PRLR: variants seen among roughly 807,000 people sequenced by gnomAD.
PRLR encodes the protein hPRL receptor.
Under a neutral mutation model 40.2 loss-of-function variants are expected in PRLR, and 13 were observed. The observed-to-expected ratio is 0.32, with a 90% CI of 0.21 to 0.51. The LOEUF is 0.51. Ranked by LOEUF, PRLR falls within the 20% of genes least tolerant of loss-of-function variation. The pLI, the probability that PRLR is intolerant of heterozygous loss-of-function variation, is 0.97. For missense variants in PRLR, 656 were observed against 747.3 expected, an observed-to-expected ratio of 0.88 and a Z score of 1.42; for synonymous variants, 269 against 278.7, an observed-to-expected ratio of 0.97 and a Z score of 0.35.
At chr5:35,086,560 GGT>G (rs113256007) in intron 3 of PRLR, among the ~76,000 whole-genome samples, 4,403 of 147,688 alleles carry the variant, frequency 0.03, 83 homozygotes, top group Middle Eastern at 0.12. Context: ...GCATTTTGCT[GGT>G]GTGTGTGTGT....
intron 1 of PRLR, among the ~76,000 whole-genome samples, chr5:35,123,192 G>C (rs1773347765): frequency 6.6e-6 from 1 of 152,158 alleles, no homozygotes. Context: ...GGATTGTAAA[G>C]TGATTTTCAG....
At chr5:35,188,950 C>T (rs1251439898) in intron 1 of PRLR, among the ~76,000 whole-genome samples, 2 of 152,168 alleles carry the variant, frequency 1.3e-5, no homozygotes, top group African/African-American at 4.8e-5. Flanking sequence ...GAAATCCCAA[C>T]ACCCAGGACC....
At chr5:35,133,614 A>G (rs1773756156) in intron 1 of PRLR, among the ~76,000 whole-genome samples, 2 of 152,236 alleles carry the variant, frequency 1.3e-5, no homozygotes, top group Admixed American at 6.5e-5. Context: ...ACTAGCTTGA[A>G]TGTTCTTCCT....
chr5:35,140,170 G>A (rs1304504210), intron 1 of PRLR, among the ~76,000 whole-genome samples: 2 of 152,174 alleles, frequency 1.3e-5, no homozygotes, highest in Non-Finnish European at 2.9e-5. Flanking sequence ...ATTATAGGCT[G>A]GAAGAACCAG....
chr5:35,226,483 G>C (rs1283568609), intron 1 of PRLR, among the ~76,000 whole-genome samples: 1 of 152,174 alleles, frequency 6.6e-6, no homozygotes, highest in Non-Finnish European at 1.5e-5. Flanking sequence ...AGTACAGTAG[G>C]CATTCAAATA....
chr5:35,225,763 C>T (rs1353457839), intron 1 of PRLR, among the ~76,000 whole-genome samples: 1 of 152,208 alleles, frequency 6.6e-6, no homozygotes, highest in Non-Finnish European at 1.5e-5. Flanking sequence ...CTCACTGCAA[C>T]CTCCGCCTCC....
intron 2 of PRLR, among the ~76,000 whole-genome samples, chr5:35,105,436 A>C (rs1487662187): frequency 6.6e-6 from 1 of 152,222 alleles, no homozygotes; most frequent in Admixed American, 6.5e-5. Flanking sequence ...CTCTGAGCTA[A>C]AGGAGGGTGT....
chr5:35,209,782 TA>T (rs2111636906), intron 1 of PRLR, among the ~76,000 whole-genome samples: 1 of 152,342 alleles, frequency 6.6e-6, no homozygotes, highest in African/African-American at 2.4e-5. Flanking sequence ...GGCCACCTTC[TA>T]GCCTATAATC....
In PRLR at chr5:35,158,969, A is replaced by G. The variant is rs546826525; in HGVS notation, c.-105-40847T>C. Reference sequence around the variant, plus strand: ...TCAGACTTTTGAGCTAATTATATTTATTTATAGATTTATTTTTGCTTAGCT... The same window carrying G: ...TCAGACTTTTGAGCTAATTATATTTGTTTATAGATTTATTTTTGCTTAGCT... On this transcript the variant is annotated intron_variant, in intron 1 of 9. Coordinates refer to ENST00000618457, the MANE Select transcript of PRLR (RefSeq NM_000949.7). Among the ~76,000 whole-genome samples the G allele has an allele frequency of 5.9e-5, 9 of 152,292 alleles. No individual in the cohort carries two copies. In the East Asian group the frequency reaches 1.5e-3, roughly 26 times the overall value.
At chr5:35,109,442 G>T (rs1772500311) in intron 2 of PRLR, among the ~76,000 whole-genome samples, 2 of 152,098 alleles carry the variant, frequency 1.3e-5, no homozygotes. Context: ...CCTACAGAAT[G>T]GGAGAAAATT....
At chr5:35,119,795 T>C (rs1389971928) in intron 1 of PRLR, among the ~76,000 whole-genome samples, 1 of 152,116 alleles carries the variant, frequency 6.6e-6, no homozygotes, top group African/African-American at 2.4e-5. Flanking sequence ...GCAGAAACAC[T>C]GAGGGGTCAG....
chr5:35,191,698 C>T (rs1196241744), intron 1 of PRLR, among the ~76,000 whole-genome samples: 1 of 152,212 alleles, frequency 6.6e-6, no homozygotes, highest in Non-Finnish European at 1.5e-5. Flanking sequence ...CTGGTTAGCA[C>T]TCAAATAACA....
intron 1 of PRLR, among the ~76,000 whole-genome samples, chr5:35,214,885 C>T (rs1455146568): frequency 1.3e-5 from 2 of 152,188 alleles, no homozygotes; most frequent in East Asian, 3.8e-4. Context: ...ACAATGCCAT[C>T]TTAAAAATTT....
rs1008423856 is a variant in PRLR at position 35,059,829 on chromosome 5, G to A, written c.*5260C>T. Reference sequence around the variant, plus strand: ...TTCAGACCTCCAGTATCTAGTCATCGAAGTAACTTGGGTTTATTTATTGAG... The same window carrying A: ...TTCAGACCTCCAGTATCTAGTCATCAAAGTAACTTGGGTTTATTTATTGAG... On this transcript the variant is annotated 3_prime_UTR_variant, in exon 10 of 10. Transcript: ENST00000618457. 3 of 152,060 alleles carry A rather than the reference G, an allele frequency of 2.0e-5. No individual in the cohort carries two copies. Among genetic ancestry groups the A allele is most frequent in the Admixed American group, 6.6e-5 (1 of 15,256 alleles). 9.4% of individuals were successfully genotyped at this position (152,060 alleles called of 1,614,324 possible).
intron 1 of PRLR, among the ~76,000 whole-genome samples, chr5:35,131,247 C>T (rs1773660226): frequency 6.6e-6 from 1 of 152,030 alleles, no homozygotes; most frequent in Non-Finnish European, 1.5e-5. Context: ...ATTTTGTTGG[C>T]CTAATGTGGA....
In PRLR at chr5:35,077,967, T is replaced by C. The variant is rs552066338; in HGVS notation, c.374-5223A>G. Among the ~76,000 whole-genome samples, 946 of 152,172 alleles carry C rather than the reference T, an allele frequency of 6.2e-3. 7 individuals carry two copies. The highest frequency in any genetic ancestry group is 0.022 in the African/African-American group (900 of 41,504). ...TCCTGAATCACTACTGGGTACATAA[T>C]GAAATGAAGGCAGAAAGAAAGATGT... On this transcript the variant is annotated intron_variant, in intron 5 of 9. Transcript: ENST00000618457.
intron 1 of PRLR, among the ~76,000 whole-genome samples, chr5:35,161,926 T>A (rs188155195): frequency 6.6e-6 from 1 of 152,224 alleles, no homozygotes; most frequent in African/African-American, 2.4e-5. Context: ...AAAAGTCTTG[T>A]GAGACAGAAA....
intron 1 of PRLR, among the ~76,000 whole-genome samples, chr5:35,146,521 C>T (rs900171515): frequency 3.9e-5 from 6 of 152,186 alleles, no homozygotes; most frequent in Non-Finnish European, 8.8e-5. Context: ...TACTTCCTAA[C>T]CGAGGGCTGG....
intron 1 of PRLR, among the ~76,000 whole-genome samples, chr5:35,215,693 T>G (rs988047840): frequency 1.3e-5 from 2 of 151,910 alleles, no homozygotes; most frequent in Non-Finnish European, 2.9e-5. Flanking sequence ...CCCTCACCCC[T>G]AGGGCAAGTT....
Sources: gnomAD v4.1 joint callset for allele counts (sites outside exome capture counted in the v4.1 genomes callset) on GRCh38, gnomAD v4.1.1 for gene constraint, MANE v1.5 for transcripts, NCBI Gene and HGNC (gene_info 2026-07-23, HGNC 2026-07-21) for gene names.